Variants in GPR37 observed in about 807,000 individuals in gnomAD.
The protein encoded by GPR37 is prosaposin receptor GPR37.
Under a neutral mutation model 43.6 loss-of-function variants are expected in GPR37, and 20 were observed. The observed-to-expected ratio is 0.46, with a 90% CI of 0.32 to 0.67. GPR37 has a LOEUF of 0.67. GPR37 is among the 30% of genes least tolerant of loss of function. The probability of loss-of-function intolerance (pLI) is 0.03; values close to 1 mark genes in which losing one functional copy is unlikely to be tolerated. For synonymous variants in GPR37, 315 were observed against 322.6 expected (o/e 0.98, Z 0.25); for missense variants, 724 against 797.2 (o/e 0.91, Z 1.11).
chr7:124,746,150 A>G lies in GPR37; in HGVS notation c.*375T>C. 1 of 160,628 alleles carries G rather than the reference A, an allele frequency of 6.2e-6. No individual in the cohort carries two copies. Among genetic ancestry groups the G allele is most frequent in the East Asian group, 1.8e-4 (1 of 5,474 alleles). 10.0% of individuals were successfully genotyped at this position (160,628 alleles called of 1,614,324 possible). On this transcript the variant is annotated 3_prime_UTR_variant, in exon 2 of 2. Coordinates refer to ENST00000303921, the MANE Select transcript of GPR37 (RefSeq NM_005302.5). ...CAATACCATATACAACATACTTTCA[A>G]TCACAACTCAAATATAAAATAACCT...
At chr7:124,759,226 C>T (rs1251032736) in intron 1 of GPR37, among the ~76,000 whole-genome samples, 8 of 152,016 alleles carry the variant, frequency 5.3e-5, no homozygotes, top group Non-Finnish European at 1.0e-4. Context: ...ACCACCACAT[C>T]CCGTTAATTT....
In GPR37 at chr7:124,764,570, C is replaced by T; in HGVS notation, c.407G>A (p.Arg136Lys). 6.2e-7 allele frequency: 1 copy of T among 1,612,610 alleles called. No individual in the cohort carries two copies. Reference sequence around the variant, plus strand: ...GAGCTGGAGGGCCGTGGGGTTCCCTCTCCCCAAAGTTTCAGAAGGCTCCTG... The same window carrying T: ...GAGCTGGAGGGCCGTGGGGTTCCCTTTCCCCAAAGTTTCAGAAGGCTCCTG... ...RGQEPSETLG[R>K]GNPTALQLFL... The change falls in exon 1 of 2, where the codon AGA becomes AAA. Residue 136 changes from arginine (R) to lysine (K), a missense_variant. By Grantham distance (26) the Arg-to-Lys change is conservative. Around this residue, in one of 2 missense-constraint regions of GPR37, gnomAD observed 382 missense variants for 355.4 expected, o/e 1.07. Transcript: ENST00000303921. This position sits in a 1 kb window ranked among gnomAD's most constrained non-coding sequence, Gnocchi z 5.4.
Position 124,744,504 on chromosome 7 carries a change from C to T in GPR37, c.*2021G>A, listed in dbSNP as rs1022281028. The T allele has an allele frequency of 3.3e-5, 5 of 152,108 alleles. No homozygotes were observed. The highest frequency in any genetic ancestry group is 5.9e-5 in the Non-Finnish European group (4 of 68,020). 9.4% of individuals were successfully genotyped at this position (152,108 alleles called of 1,614,324 possible). On this transcript the variant is annotated 3_prime_UTR_variant, in exon 2 of 2. Transcript: ENST00000303921. ...TCTTCTATTCCTTTATAAATTAGCT[C>T]TCTCCTCCTGAAGTGTCCACTCCTC...
In GPR37 at chr7:124,764,559, T is replaced by C; in HGVS notation, c.418A>G (p.Thr140Ala). ...PSETLGRGNP[T>A]ALQLFLQISE... ...ATCTGAAGGAAGAGCTGGAGGGCCG[T>C]GGGGTTCCCTCTCCCCAAAGTTTCA... Residue 140 changes from threonine to alanine, a missense_variant, in exon 1 of 2, where the codon ACG (threonine) becomes GCG (alanine). Coordinates refer to ENST00000303921, the MANE Select transcript of GPR37 (RefSeq NM_005302.5). The surrounding 1 kb of genome is among the most constrained non-coding windows in gnomAD (Gnocchi z 5.4). The C allele has an allele frequency of 6.2e-7, 1 of 1,613,142 alleles. No homozygotes were observed. The highest frequency in any genetic ancestry group is 8.5e-7 in the Non-Finnish European group (1 of 1,179,800).
chr7:124,753,617 A>C (rs1021925945), intron 1 of GPR37, among the ~76,000 whole-genome samples: 7 of 152,186 alleles, frequency 4.6e-5, no homozygotes, highest in African/African-American at 1.7e-4. Flanking sequence ...TGGCTTCTTG[A>C]GTTACCTTTT....
At chr7:124,762,051 A>G (rs951366056) in intron 1 of GPR37, among the ~76,000 whole-genome samples, 3 of 152,140 alleles carry the variant, frequency 2.0e-5, no homozygotes, top group African/African-American at 7.2e-5. Flanking sequence ...AGATTTTACT[A>G]ATAATAAGAG....
chr7:124,747,859 T>G (rs1216958557), intron 1 of GPR37, among the ~76,000 whole-genome samples: 2 of 152,102 alleles, frequency 1.3e-5, no homozygotes, highest in Non-Finnish European at 2.9e-5. Context: ...GCTCCTCCAA[T>G]TTTTCCTAAA....
At position 124,764,628 on chromosome 7, in the gene GPR37, G is replaced by C; in HGVS notation, c.349C>G (p.Pro117Ala). Residue 117 changes from proline (P) to alanine (A), a missense_variant, in exon 1 of 2, where the codon CCT becomes GCT. Physicochemically the swap from Pro to Ala is conservative, Grantham distance 27. Around this residue, in one of 2 missense-constraint regions of GPR37, gnomAD observed 382 missense variants for 355.4 expected, o/e 1.07. Coordinates refer to ENST00000303921, the MANE Select transcript of GPR37 (RefSeq NM_005302.5). This position sits in a 1 kb window ranked among gnomAD's most constrained non-coding sequence, Gnocchi z 5.4. ...AGPPGPPTRP[P>A]GPWRWKGARG... ...GCACCTTTCCACCTCCAGGGGCCAG[G>C]TGGCCTGGTTGGAGGTCCCGGGGGT... is the stretch of plus-strand genomic sequence containing the variant. The C allele has an allele frequency of 6.3e-7, 1 of 1,592,056 alleles. No individual in the cohort carries two copies. The highest frequency in any genetic ancestry group is 8.6e-7 in the Non-Finnish European group (1 of 1,168,286).
chr7:124,764,930 A>C lies in GPR37; in HGVS notation c.47T>G (p.Leu16Arg), dbSNP rs781609406. ...GGCAGACACCTTGAGCAGTAGCAGA[A>C]GCAGTAGCCGCGACATGCGGGCGAG... The part of the protein sequence containing the change: ...ALLARMSRLL[L>R]LLLLKVSASS... Residue 16 changes from leucine (L) to arginine (R), a missense_variant, in exon 1 of 2, where the codon CTT becomes CGT. By Grantham distance (102) the Leu-to-Arg change is moderately radical (BLOSUM62 -2). Coordinates refer to ENST00000303921, the MANE Select transcript of GPR37 (RefSeq NM_005302.5). This position sits in a 1 kb window ranked among gnomAD's most constrained non-coding sequence, Gnocchi z 5.4. 5.2e-6 allele frequency: 8 copies of C among 1,548,840 alleles called. No individual in the cohort carries two copies. Among genetic ancestry groups the C allele is most frequent in the Non-Finnish European group, 7.0e-6 (8 of 1,150,380 alleles).
In GPR37 at chr7:124,764,769, G is replaced by C; in HGVS notation, c.208C>G (p.Arg70Gly). Residue 70 changes from arginine to glycine, a missense_variant, in exon 1 of 2, where the codon CGA becomes GGA. Physicochemically the swap from Arg to Gly is moderately radical, Grantham distance 125. Around this residue, in one of 2 missense-constraint regions of GPR37, gnomAD observed 382 missense variants for 355.4 expected, o/e 1.07. Coordinates refer to ENST00000303921, the MANE Select transcript of GPR37 (RefSeq NM_005302.5). The surrounding 1 kb of genome is among the most constrained non-coding windows in gnomAD (Gnocchi z 5.4). ...GNSARDVLRA[R>G]APREEQGAAF... is the part of the protein sequence containing the mutation. ...GCCCCCTGCTCCTCCCTGGGTGCTCGGGCTCGCAGAACGTCTCTTGCAGAA... is the reference window on the plus strand; with the variant it reads ...GCCCCCTGCTCCTCCCTGGGTGCTCCGGCTCGCAGAACGTCTCTTGCAGAA... 1.2e-6 allele frequency: 2 copies of C among 1,612,758 alleles called. No homozygotes were observed. The highest frequency in any genetic ancestry group is 1.7e-6 in the Non-Finnish European group (2 of 1,179,946).
intron 1 of GPR37, among the ~76,000 whole-genome samples, chr7:124,751,316 T>G (rs1463098742): frequency 6.6e-6 from 1 of 152,104 alleles, no homozygotes; most frequent in Non-Finnish European, 1.5e-5. Context: ...CTGCCTGCAG[T>G]GATATTACTT....
At chr7:124,753,788 T>C (rs1793758385) in intron 1 of GPR37, among the ~76,000 whole-genome samples, 1 of 152,140 alleles carries the variant, frequency 6.6e-6, no homozygotes, top group Non-Finnish European at 1.5e-5. Context: ...TTGGTAGTTA[T>C]GAGAACCATA....
At position 124,764,269 on chromosome 7, in the gene GPR37, G is replaced by A. The variant is rs200597603; in HGVS notation, c.708C>T (p.Arg236=). 1.3e-5 allele frequency: 20 copies of A among 1,599,158 alleles called. No individual in the cohort carries two copies. The Admixed American group carries it at 3.1e-4, about 25-fold the overall frequency. Residue 236 remains arginine (R), a synonymous_variant, in exon 1 of 2, where the codon CGC becomes CGT. Transcript: ENST00000303921. This position sits in a 1 kb window ranked among gnomAD's most constrained non-coding sequence, Gnocchi z 5.4. ...GEGIHEPGGP[R]RGNSTNRRVR... is the part of the protein sequence containing the mutation. ...CACGCCGGTTCGTGCTGTTTCCCCG[G>A]CGGGGACCCCCAGGCTCATGGATTC...
intron 1 of GPR37, among the ~76,000 whole-genome samples, chr7:124,754,456 G>A (rs1046653349): frequency 2.0e-5 from 3 of 152,000 alleles, no homozygotes; most frequent in African/African-American, 4.8e-5. Context: ...TGTGTCTTTC[G>A]CAAAACTTTC....
chr7:124,753,903 A>G (rs1416894839), intron 1 of GPR37, among the ~76,000 whole-genome samples: 1 of 152,108 alleles, frequency 6.6e-6, no homozygotes, highest in East Asian at 1.9e-4. Context: ...AACTTAAGAC[A>G]GCTACTTTAT....
At chr7:124,751,254 G>GA (rs1793727114) in intron 1 of GPR37, among the ~76,000 whole-genome samples, 4 of 152,004 alleles carry the variant, frequency 2.6e-5, no homozygotes, top group African/African-American at 9.6e-5. Flanking sequence ...AGTTGCTCTT[G>GA]GCAACTGCAT....
In GPR37 at chr7:124,745,522, A is replaced by C. The variant is rs144973808; in HGVS notation, c.*1003T>G. Among the ~76,000 whole-genome samples the C allele has an allele frequency of 3.8e-3, 572 of 152,314 alleles. 3 individuals are homozygous for C. The highest frequency in any genetic ancestry group is 0.013 in the African/African-American group (532 of 41,594). ...ATAAATATTTTATTATTCCACTCCT[A>C]TACTTTCATTGCACTTAAAGAAATT... On this transcript the variant is annotated 3_prime_UTR_variant, in exon 2 of 2. Transcript: ENST00000303921.
intron 1 of GPR37, among the ~76,000 whole-genome samples, chr7:124,760,384 C>A (rs1793837883): frequency 6.6e-6 from 1 of 152,118 alleles, no homozygotes; most frequent in Non-Finnish European, 1.5e-5. Flanking sequence ...ATCTAACATA[C>A]TTCATGATTT....
intron 1 of GPR37, among the ~76,000 whole-genome samples, chr7:124,756,864 T>C (rs776567778): frequency 6.6e-6 from 1 of 152,060 alleles, no homozygotes; most frequent in Admixed American, 6.6e-5. Flanking sequence ...GGTGTAAAAA[T>C]TGTATCAAGG....
Sources: gnomAD v4.1 joint callset for allele counts (sites outside exome capture counted in the v4.1 genomes callset) on GRCh38, gnomAD v4.1.1 for gene constraint, gnomAD v4.1.1 regional missense constraint, Gnocchi (gnomAD v3.1) non-coding constraint, MANE v1.5 for transcripts, NCBI Gene and HGNC (gene_info 2026-07-23, HGNC 2026-07-21) for gene names.